KBTBD2: variants seen among roughly 807,000 people sequenced by gnomAD.
The protein encoded by KBTBD2 is kelch repeat and BTB domain containing 2, also known as kelch repeat and BTB domain-containing protein 2.
Under a neutral mutation model 57.1 loss-of-function variants are expected in KBTBD2, and 17 were observed. That is an observed-to-expected ratio of 0.30 (90% confidence interval 0.20 to 0.45). KBTBD2 has a LOEUF of 0.45. Among genes scored for constraint, KBTBD2 ranks in the 20% least tolerant of loss-of-function variants. The pLI, the probability that KBTBD2 is intolerant of heterozygous loss-of-function variation, is 1.00. For missense variants in KBTBD2, 515 were observed against 750.6 expected (o/e 0.69, Z 3.67); for synonymous variants, 267 against 262.7 (o/e 1.02, Z -0.16).
At chr7:32,891,147 A>G (rs951995282) in intron 1 of KBTBD2, 6 of 151,896 alleles carry the variant, frequency 4.0e-5, no homozygotes, top group African/African-American at 1.5e-4. Flanking sequence ...ACACGTCGCG[A>G]GTCTTTAAGG....
intron 3 of KBTBD2, among the ~76,000 whole-genome samples, chr7:32,872,250 T>C (rs1003833851): frequency 4.6e-5 from 7 of 152,040 alleles, no homozygotes; most frequent in South Asian, 2.1e-4. Context: ...TTGCAAACTA[T>C]ATAAAGACAG....
intron 3 of KBTBD2, among the ~76,000 whole-genome samples, chr7:32,871,321 C>A (rs906116331): frequency 6.6e-6 from 1 of 152,184 alleles, no homozygotes; most frequent in African/African-American, 2.4e-5. Context: ...CACATAAAAC[C>A]AGAAAATCAT....
chr7:32,888,563 CAAAA>C, intron 1 of KBTBD2, among the ~76,000 whole-genome samples: 1 of 151,144 alleles, frequency 6.6e-6, no homozygotes, highest in East Asian at 1.9e-4. Flanking sequence ...CAAAAAAAAA[CAAAA>C]AAACCAAAAA....
In KBTBD2 at chr7:32,874,974, A is replaced by C. The variant is rs769288335; in HGVS notation, c.336+18T>G. ...CAACAGAGAGAGACTCCGTCTAAAA[A>C]AATATATATATGCTTACCTGTAGGA... On this transcript the variant is annotated intron_variant, in intron 3 of 3. Transcript: ENST00000304056. The C allele has an allele frequency of 1.2e-5, 20 of 1,609,448 alleles. No individual in the cohort carries two copies. In the South Asian group the frequency reaches 2.0e-4, roughly 16 times the overall value.
In KBTBD2 at chr7:32,869,729, T is replaced by C. The variant is rs748911891; in HGVS notation, c.1488A>G (p.Ser496=). Residue 496 remains serine (S), a synonymous_variant, in exon 4 of 4, where the codon TCA becomes TCG. Transcript: ENST00000304056. The stretch of plus-strand genomic sequence containing the variant: ...TCACATCATAAATTTCCACAGTTAC[T>C]GAAGACCCATCTACAGTGCCAGAGG... ...RLPSGTVDGS[S]VTVEIYDVNK... 5.6e-6 allele frequency: 9 copies of C among 1,614,014 alleles called. No individual in the cohort carries two copies. The African/African-American group carries it at 1.1e-4, about 19-fold the overall frequency.
At chr7:32,891,268 G>C (rs887616251) in intron 1 of KBTBD2, 4 of 148,984 alleles carry the variant, frequency 2.7e-5, no homozygotes, top group African/African-American at 9.8e-5. Context: ...CCCAGCTAGC[G>C]GCGTACCGGG....
At chr7:32,873,952 GAA>G (rs1344720458) in intron 3 of KBTBD2, among the ~76,000 whole-genome samples, 8 of 152,090 alleles carry the variant, frequency 5.3e-5, no homozygotes, top group Non-Finnish European at 1.2e-4. Context: ...CACGTAATAA[GAA>G]AATTACATAG....
chr7:32,881,185 G>A (rs1583784907), intron 1 of KBTBD2, among the ~76,000 whole-genome samples: 1 of 151,666 alleles, frequency 6.6e-6, no homozygotes, highest in Non-Finnish European at 1.5e-5. Flanking sequence ...AACAAATAAT[G>A]TTGGAAGTGG....
At chr7:32,878,582 C>CAAA (rs5883373) in intron 2 of KBTBD2, among the ~76,000 whole-genome samples, 1 of 141,802 alleles carries the variant, frequency 7.1e-6, no homozygotes, top group Admixed American at 7.0e-5. Flanking sequence ...GAGATCGTCT[C>CAAA]AAAAAAAAAA....
intron 1 of KBTBD2, among the ~76,000 whole-genome samples, chr7:32,888,054 A>C (rs2127957804): frequency 6.6e-6 from 1 of 152,342 alleles, no homozygotes; most frequent in Admixed American, 6.5e-5. Flanking sequence ...TCCAATTTCA[A>C]GGTCTCAGCA....
chr7:32,876,289 TGAA>T (rs901956500), intron 2 of KBTBD2, among the ~76,000 whole-genome samples: 1 of 152,058 alleles, frequency 6.6e-6, no homozygotes, highest in Non-Finnish European at 1.5e-5. Flanking sequence ...AGGACAGAGA[TGAA>T]GAAGCCATTC....
At chr7:32,875,276 C>G (rs1784284576) in intron 2 of KBTBD2, 119 bp from the exon 3 acceptor site, 3 of 946,796 alleles carry the variant, frequency 3.2e-6, no homozygotes, top group African/African-American at 3.3e-5. Context: ...ATAAGAGAAA[C>G]TTTTTCTTTT....
chr7:32,879,305 A>T (rs1462827883), intron 2 of KBTBD2, 130 bp downstream of exon 2: 8 of 616,200 alleles, frequency 1.3e-5, no homozygotes, highest in Non-Finnish European at 1.9e-5. Flanking sequence ...CAAGAATGAG[A>T]TTTGCCAAGT....
chr7:32,871,341 G>A (rs900353000), intron 3 of KBTBD2, among the ~76,000 whole-genome samples: 3 of 152,172 alleles, frequency 2.0e-5, no homozygotes, highest in African/African-American at 7.2e-5. Context: ...TGCACAATGA[G>A]TAAGAGTAGT....
chr7:32,890,292 A>C (rs547294282), intron 1 of KBTBD2, among the ~76,000 whole-genome samples: 1 of 152,364 alleles, frequency 6.6e-6, no homozygotes, highest in South Asian at 2.1e-4. Context: ...TAAGCTTAAC[A>C]TTAGTTATCA....
chr7:32,875,093 C>T lies in KBTBD2; in HGVS notation c.235G>A (p.Ala79Thr). 6.2e-7 allele frequency: 1 copy of T among 1,614,194 alleles called. No individual in the cohort carries two copies. The highest frequency in any genetic ancestry group is 8.5e-7 in the Non-Finnish European group (1 of 1,179,992). Residue 79 changes from alanine to threonine, a missense_variant, in exon 3 of 4, where the codon GCT (alanine) becomes ACT (threonine). Physicochemically the swap from Ala to Thr is moderately conservative, Grantham distance 58 (BLOSUM62 0). Transcript: ENST00000304056. Reference protein sequence around the residue: ...QTHVHLRNVDAATLQIIITYA... With the variant: ...QTHVHLRNVDTATLQIIITYA... ...GTTATTATTATCTGTAAGGTGGCAG[C>T]ATCGACATTCCTCAGGTGTACATGG...
chr7:32,875,109 G>T lies in KBTBD2; in HGVS notation c.219C>A (p.His73Gln). ...AGGTGGCAGCATCGACATTCCTCAG[G>T]TGTACATGGGTTTGTTTGCTTTCAC... ...GLSESKQTHV[H>Q]LRNVDAATLQ... Residue 73 changes from histidine (H) to glutamine (Q), a missense_variant, in exon 3 of 4, where the codon CAC (histidine) becomes CAA (glutamine). His to Gln is a conservative substitution (Grantham distance 24). Coordinates refer to ENST00000304056, the MANE Select transcript of KBTBD2 (RefSeq NM_015483.3). 1 of 1,614,140 alleles carries T rather than the reference G, an allele frequency of 6.2e-7. No homozygotes were observed. The highest frequency in any genetic ancestry group is 1.6e-4 in the Middle Eastern group (1 of 6,062).
intron 1 of KBTBD2, among the ~76,000 whole-genome samples, chr7:32,880,320 T>G (rs2127953603): frequency 6.6e-6 from 1 of 152,206 alleles, no homozygotes; most frequent in African/African-American, 2.4e-5. Flanking sequence ...AAAAATATTT[T>G]TTTAAAAAAA....
intron 2 of KBTBD2, 141 bp from the exon 3 acceptor site, chr7:32,875,298 G>T (rs1784285171): frequency 2.9e-6 from 2 of 687,336 alleles, no homozygotes; most frequent in African/African-American, 3.6e-5. Flanking sequence ...TTGAGACAGG[G>T]TCTTGCTCTG....
Sources: gnomAD v4.1 joint callset for allele counts (sites outside exome capture counted in the v4.1 genomes callset) on GRCh38, gnomAD v4.1.1 for gene constraint, MANE v1.5 for transcripts, NCBI Gene and HGNC (gene_info 2026-07-23, HGNC 2026-07-21) for gene names.